The following PRKG2 variants were observed in gnomAD, a reference collection of about 807,000 sequenced individuals.
The protein encoded by PRKG2 is cGMP-dependent protein kinase 2.
Under a neutral mutation model 97.2 loss-of-function variants are expected in PRKG2, and 33 were observed. The ratio of observed to expected loss-of-function variants is 0.34; its 90% CI spans 0.26 to 0.45. The LOEUF is 0.45. Among genes scored for constraint, PRKG2 ranks in the 20% least tolerant of loss-of-function variants. The pLI is 1.00. For missense variants in PRKG2, 638 were observed against 900.0 expected, an observed-to-expected ratio of 0.71 and a Z score of 3.73; for synonymous variants, 330 against 321.8, an observed-to-expected ratio of 1.03 and a Z score of -0.27.
rs75234128 is a variant in PRKG2, at chr4:81,135,263, G to A, written c.1668C>T (p.Cys556=). Reference sequence around the variant, plus strand: ...CAAATGCTTCTGTCACACAAGCAACGCAGAATTTGGAGGTGGGTTCATCAA... The same window carrying A: ...CAAATGCTTCTGTCACACAAGCAACACAGAATTTGGAGGTGGGTTCATCAA... ...GSFDEPTSKF[C]VACVTEAFDY... is the part of the protein sequence containing the mutation. Residue 556 remains cysteine, a synonymous_variant, in exon 14 of 19, where the codon TGC becomes TGT. Coordinates refer to ENST00000264399, the MANE Select transcript of PRKG2 (RefSeq NM_006259.3). 2.0e-5 allele frequency: 32 copies of A among 1,612,898 alleles called. No individual in the cohort carries two copies. The Middle Eastern group carries it at 5.0e-4, about 25-fold the overall frequency.
intron 2 of PRKG2, among the ~76,000 whole-genome samples, chr4:81,184,150 G>C (rs992653716): frequency 6.6e-6 from 1 of 152,186 alleles, no homozygotes; most frequent in African/African-American, 2.4e-5. Flanking sequence ...TCTGCTAAGG[G>C]ACAGACTGCC....
In PRKG2 at chr4:81,172,896, T is replaced by C. The variant is rs79203073; in HGVS notation, c.629-1092A>G. On this transcript the variant is annotated intron_variant, in intron 3 of 18. Transcript: ENST00000264399. ...AAAAGAGAAGATATCCTTAGCCTGA[T>C]AGAATTTATACTAGCAAGGAAAAAA... Among the ~76,000 whole-genome samples, 1,341 of 152,236 alleles carry C rather than the reference T, an allele frequency of 8.8e-3. 30 individuals carry two copies. Among genetic ancestry groups the C allele is most frequent in the Admixed American group, 0.052 (801 of 15,274 alleles).
At chr4:81,159,364 A>G (rs1449856290) in intron 6 of PRKG2, among the ~76,000 whole-genome samples, 3 of 152,350 alleles carry the variant, frequency 2.0e-5, no homozygotes, top group East Asian at 3.9e-4. Flanking sequence ...AAAAATGCTC[A>G]TCATCACTGG....
intron 2 of PRKG2, among the ~76,000 whole-genome samples, chr4:81,182,133 G>T (rs1024408114): frequency 6.6e-6 from 1 of 151,686 alleles, no homozygotes; most frequent in Non-Finnish European, 1.5e-5. Context: ...AGAATAGCCT[G>T]ATAAGGAGTT....
intron 17 of PRKG2, among the ~76,000 whole-genome samples, chr4:81,097,153 A>C (rs1187772968): frequency 5.9e-5 from 9 of 152,172 alleles, no homozygotes; most frequent in African/African-American, 2.2e-4. Flanking sequence ...ACAGAATGAG[A>C]CCCTCAAAAA....
chr4:81,096,591 A>G (rs903218276), intron 17 of PRKG2, among the ~76,000 whole-genome samples: 5 of 152,254 alleles, frequency 3.3e-5, no homozygotes, highest in Middle Eastern at 3.4e-3. Context: ...CCCTGCTACT[A>G]CATTATCAAC....
Position 81,104,396 on chromosome 4 carries a change from A to G in PRKG2, c.2100T>C (p.Asn700=). Residue 700 remains asparagine (N), a synonymous_variant, in exon 17 of 19, where the codon AAT becomes AAC. Coordinates refer to ENST00000264399, the MANE Select transcript of PRKG2 (RefSeq NM_006259.3). The part of the protein sequence containing the change: ...NPTERLGNLK[N]GINDIKKHRW... Reference sequence around the variant, plus strand: ...TGTGTTTCTTAATGTCATTTATTCCATTCTTCAGATTTCCCAGCCTTTCTG... The same window carrying G: ...TGTGTTTCTTAATGTCATTTATTCCGTTCTTCAGATTTCCCAGCCTTTCTG... 6.7e-7 allele frequency: 1 copy of G among 1,481,880 alleles called. No homozygotes were observed. The allele number at this position is 1,481,880 out of a possible 1,614,324, so 91.8% of individuals were successfully genotyped here.
At chr4:81,100,777 G>A (rs905406199) in intron 17 of PRKG2, among the ~76,000 whole-genome samples, 1 of 152,024 alleles carries the variant, frequency 6.6e-6, no homozygotes, top group African/African-American at 2.4e-5. Context: ...GAGTGAACAG[G>A]CAACCTACAG....
chr4:81,117,396 C>A (rs1323417441), intron 14 of PRKG2, among the ~76,000 whole-genome samples: 2 of 152,008 alleles, frequency 1.3e-5, no homozygotes, highest in Non-Finnish European at 2.9e-5. Context: ...GCATTGGGAC[C>A]TCCTGTAAAA....
chr4:81,189,349 A>G (rs1752254481), intron 2 of PRKG2, among the ~76,000 whole-genome samples: 1 of 130,806 alleles, frequency 7.6e-6, no homozygotes, highest in Non-Finnish European at 1.5e-5. Context: ...TTATTGCTAC[A>G]TCTTCAGAAA....
intron 3 of PRKG2, among the ~76,000 whole-genome samples, chr4:81,172,119 T>G (rs1036002607): frequency 3.9e-5 from 6 of 151,972 alleles, no homozygotes; most frequent in Admixed American, 3.9e-4. Flanking sequence ...TTTAGAACAA[T>G]GGCTAGTGCA....
intron 17 of PRKG2, 61 bp from the exon 18 acceptor site, chr4:81,092,513 G>GAAGGAAGGAAGGAAGGAAGGAAGA (rs1553916436): frequency 2.0e-6 from 2 of 982,696 alleles, no homozygotes; most frequent in African/African-American, 3.4e-5. Context: ...AGGAAGGAAG[G>GAAGGAAGGAAGGAAGGAAGGAAGA]GAGAAAGAAA....
chr4:81,088,709 T>G lies in PRKG2; in HGVS notation c.*999A>C, dbSNP rs1311612688. ...GCTATTAACTCAGCAGTGACTACAG[T>G]GCATCAACATTTGTCAATGGGATTT... is the stretch of plus-strand genomic sequence containing the variant. On this transcript the variant is annotated 3_prime_UTR_variant, in exon 19 of 19. Coordinates refer to ENST00000264399, the MANE Select transcript of PRKG2 (RefSeq NM_006259.3). The G allele has an allele frequency of 6.6e-6, 1 of 152,192 alleles. No homozygotes were observed. The highest frequency in any genetic ancestry group is 1.9e-4 in the East Asian group (1 of 5,198). The allele number at this position is 152,192 out of a possible 1,614,324, so 9.4% of individuals were successfully genotyped here.
chr4:81,107,349 G>T (rs1013245738), intron 15 of PRKG2, among the ~76,000 whole-genome samples: 7 of 152,212 alleles, frequency 4.6e-5, no homozygotes, highest in African/African-American at 1.7e-4. Context: ...TCAAGAGAGT[G>T]AGTGGGTAAA....
At chr4:81,097,893 T>C (rs1278164505) in intron 17 of PRKG2, among the ~76,000 whole-genome samples, 1 of 152,186 alleles carries the variant, frequency 6.6e-6, no homozygotes, top group African/African-American at 2.4e-5. Flanking sequence ...ATGTTGTGTC[T>C]GGTTTGATCT....
rs373046804 is a variant in PRKG2 at position 81,143,017 on chromosome 4, T to G, written c.1254-70A>C. Reference sequence around the variant, plus strand: ...AGAAGGTGTCATGCCATACATAAATTTCACTCCTACGACAGTCTAATTTCT... The same window carrying G: ...AGAAGGTGTCATGCCATACATAAATGTCACTCCTACGACAGTCTAATTTCT... On this transcript the variant is annotated intron_variant, in intron 10 of 18. Transcript: ENST00000264399. The G allele has an allele frequency of 6.0e-6, 9 of 1,497,326 alleles. No individual in the cohort carries two copies. In the South Asian group the frequency reaches 7.2e-5, roughly 12 times the overall value. The allele number at this position is 1,497,326 out of a possible 1,614,324, so 92.8% of individuals were successfully genotyped here.
In PRKG2 at chr4:81,188,159, C is replaced by T. The variant is rs563916926; in HGVS notation, c.462-13200G>A. ...GCTAATTTCCAGAATCTACAATGAA[C>T]TCAAACAAATTTACAAGAAAAAAAC... is the stretch of plus-strand genomic sequence containing the variant. On this transcript the variant is annotated intron_variant, in intron 2 of 18. Coordinates refer to ENST00000264399, the MANE Select transcript of PRKG2 (RefSeq NM_006259.3). Among the ~76,000 whole-genome samples the T allele has an allele frequency of 6.9e-3, 1,056 of 152,138 alleles. 5 individuals are homozygous for T. The highest frequency in any genetic ancestry group is 0.011 in the Non-Finnish European group (730 of 68,016).
intron 9 of PRKG2, among the ~76,000 whole-genome samples, chr4:81,144,840 G>A (rs1747699594): frequency 7.1e-6 from 1 of 140,752 alleles, no homozygotes; most frequent in Non-Finnish European, 1.5e-5. Flanking sequence ...TCCCACCTAT[G>A]AGTGAGAACA....
At chr4:81,172,036 C>T (rs1517547) in intron 3 of PRKG2, among the ~76,000 whole-genome samples, 35,484 of 151,078 alleles carry the variant, frequency 0.23, 8,052 homozygotes, top group African/African-American at 0.58. Context: ...TCCTCATCAA[C>T]GATGAGGATA....
Sources: allele counts gnomAD v4.1 joint callset (sites outside exome capture counted in the v4.1 genomes callset), GRCh38; gene constraint gnomAD v4.1.1; transcripts MANE v1.5; gene names NCBI Gene and HGNC (gene_info 2026-07-23, HGNC 2026-07-21).